Variants in ABCA12 observed in about 807,000 individuals in gnomAD.
ABCA12 encodes ATP binding cassette subfamily A member 12, also known as glucosylceramide transporter ABCA12.
A neutral mutation model predicts 293.5 loss-of-function variants in ABCA12; 156 were observed. The observed-to-expected ratio is 0.53, with a 90% CI of 0.47 to 0.61. The LOEUF is 0.61. Ranked by LOEUF, ABCA12 falls within the 20% of genes least tolerant of loss-of-function variation. ABCA12 has a pLI of 0.00. For synonymous variants in ABCA12, 1,063 were observed against 1,108.0 expected, an observed-to-expected ratio of 0.96 and a Z score of 0.81; for missense variants, 2,797 against 3,090.2, an observed-to-expected ratio of 0.91 and a Z score of 2.25.
chr2:215,023,342 C>T (rs1038410502), intron 11 of ABCA12: 4 of 152,060 alleles, frequency 2.6e-5, no homozygotes, highest in Non-Finnish European at 5.9e-5. Context: ...GAATGGGTCC[C>T]GTCAATTTCA....
At chr2:215,042,964 G>C (rs1701129762) in intron 7 of ABCA12, among the ~76,000 whole-genome samples, 1 of 152,094 alleles carries the variant, frequency 6.6e-6, no homozygotes, top group African/African-American at 2.4e-5. Flanking sequence ...GTGCATGGCT[G>C]TTTTAATTTG....
intron 40 of ABCA12, 136 bp downstream of exon 40, chr2:214,958,888 C>T: frequency 2.0e-6 from 2 of 992,570 alleles, no homozygotes; most frequent in Non-Finnish European, 3.2e-6. Context: ...TTCCTTTGAT[C>T]CCAGTCAGTG....
intron 2 of ABCA12, among the ~76,000 whole-genome samples, chr2:215,094,380 G>A (rs557950156): frequency 2.6e-5 from 4 of 152,050 alleles, no homozygotes; most frequent in African/African-American, 9.7e-5. Context: ...TCCAACTTCT[G>A]TCCCTCATGG....
chr2:214,984,271 A>G (rs1010140586), intron 28 of ABCA12, among the ~76,000 whole-genome samples: 5 of 151,772 alleles, frequency 3.3e-5, no homozygotes, highest in African/African-American at 9.7e-5. Context: ...TAATTTTTGT[A>G]TTTTTAGTAG....
At chr2:215,077,691 G>A (rs1398262418) in intron 2 of ABCA12, among the ~76,000 whole-genome samples, 1 of 152,136 alleles carries the variant, frequency 6.6e-6, no homozygotes, top group Non-Finnish European at 1.5e-5. Context: ...TGGCAAACAT[G>A]TGCCATTTAT....
intron 2 of ABCA12, among the ~76,000 whole-genome samples, chr2:215,066,651 GGT>G (rs1701644967): frequency 6.6e-6 from 1 of 152,010 alleles, no homozygotes. Context: ...AAACTCCCAT[GGT>G]GTTGAAAGTA....
At chr2:214,975,586 C>A (rs72948388) in intron 34 of ABCA12, among the ~76,000 whole-genome samples, 199 bp downstream of exon 34, 1,731 of 152,176 alleles carry the variant, frequency 0.011, 26 homozygotes, top group Middle Eastern at 0.024. Flanking sequence ...TAGATGAATG[C>A]AAAAACTCTG....
At chr2:215,089,367 A>C (rs1202089702) in intron 2 of ABCA12, among the ~76,000 whole-genome samples, 1 of 152,176 alleles carries the variant, frequency 6.6e-6, no homozygotes, top group Non-Finnish European at 1.5e-5. Flanking sequence ...CTACATTCAC[A>C]AAAATCTAGA....
At chr2:215,112,324 T>C (rs1297339617) in intron 1 of ABCA12, among the ~76,000 whole-genome samples, 1 of 148,634 alleles carries the variant, frequency 6.7e-6, no homozygotes, top group Non-Finnish European at 1.5e-5. Context: ...TACACCGTTA[T>C]AGTCAATGAT....
intron 7 of ABCA12, among the ~76,000 whole-genome samples, chr2:215,041,551 C>CA (rs74770979): frequency 0.059 from 5,055 of 86,202 alleles, 275 homozygotes; most frequent in African/African-American, 0.14. Flanking sequence ...GACTCCATCT[C>CA]AAAAAAAAAA....
intron 3 of ABCA12, among the ~76,000 whole-genome samples, chr2:215,054,865 A>C (rs1165638918): frequency 1.3e-5 from 2 of 152,106 alleles, no homozygotes; most frequent in African/African-American, 2.4e-5. Flanking sequence ...TATTCAGAGA[A>C]AATGGCCTAG....
In ABCA12 at chr2:215,027,917, T is replaced by TGTTAGGAA. The variant is rs533736446; in HGVS notation, c.1062-980_1062-979insTTCCTAAC. Among the ~76,000 whole-genome samples the TGTTAGGAA allele has an allele frequency of 5.7e-3, 862 of 152,336 alleles. 10 individuals are homozygous for TGTTAGGAA. Among genetic ancestry groups the TGTTAGGAA allele is most frequent in the African/African-American group, 0.02 (829 of 41,582 alleles). On this transcript the variant is annotated intron_variant, in intron 9 of 52. Coordinates refer to ENST00000272895, the MANE Select transcript of ABCA12 (RefSeq NM_173076.3). ...TGGTTTCCTTTCAAAGTGATTGGCA[T>TGTTAGGAA]GTAAGGAAAGGGCCTAAGATTTTTC...
intron 2 of ABCA12, among the ~76,000 whole-genome samples, chr2:215,108,744 T>C (rs1042573488): frequency 6.6e-6 from 1 of 152,146 alleles, no homozygotes; most frequent in Admixed American, 6.6e-5. Context: ...AAATCCAAAC[T>C]GTCATCTCAA....
At chr2:215,087,872 T>C (rs1224662454) in intron 2 of ABCA12, among the ~76,000 whole-genome samples, 1 of 152,234 alleles carries the variant, frequency 6.6e-6, no homozygotes, top group African/African-American at 2.4e-5. Context: ...TGAATTCAGA[T>C]ATAAAGCAAT....
chr2:215,124,558 T>A (rs1702881870), intron 1 of ABCA12, among the ~76,000 whole-genome samples: 1 of 152,232 alleles, frequency 6.6e-6, no homozygotes, highest in South Asian at 2.1e-4. Context: ...TCATTAGTAA[T>A]GCTGAGCATT....
chr2:215,045,743 A>T (rs1299465295), intron 7 of ABCA12, 94 bp downstream of exon 7: 2 of 1,161,766 alleles, frequency 1.7e-6, no homozygotes, highest in East Asian at 5.0e-5. Flanking sequence ...TCTGTGTTTA[A>T]ATAACCCAGA....
At position 214,949,042 on chromosome 2, in the gene ABCA12, G is replaced by A. The variant is rs1021345094; in HGVS notation, c.6960C>T (p.Thr2320=). The A allele has an allele frequency of 5.6e-6, 9 of 1,609,834 alleles. No homozygotes were observed. The highest frequency in any genetic ancestry group is 1.6e-4 in the Middle Eastern group (1 of 6,076). The change falls in exon 46 of 53, where the codon ACC becomes ACT. Residue 2320 remains threonine (T), a splice_region_variant and synonymous_variant. Coordinates refer to ENST00000272895, the MANE Select transcript of ABCA12 (RefSeq NM_173076.3). ...ATTGAAGCATTAGTTTTTCATACCCGGTCTTATTTCTGATCAGAATGTTTC... is the reference window on the plus strand; with the variant it reads ...ATTGAAGCATTAGTTTTTCATACCCAGTCTTATTTCTGATCAGAATGTTTC... ...SSGNILIRNK[T]GSLGHVDSHS...
At chr2:215,002,262 T>G (rs1700162120) in intron 20 of ABCA12, among the ~76,000 whole-genome samples, 1 of 152,190 alleles carries the variant, frequency 6.6e-6, no homozygotes, top group African/African-American at 2.4e-5. Flanking sequence ...AGTTGTGAGT[T>G]TCTAATACTG....
intron 2 of ABCA12, among the ~76,000 whole-genome samples, chr2:215,066,925 G>A (rs1701650770): frequency 6.6e-6 from 1 of 152,038 alleles, no homozygotes; most frequent in Admixed American, 6.6e-5. Context: ...ACTGTGCTAG[G>A]CATGTAACAT....
Sources: gnomAD v4.1 joint callset for allele counts (sites outside exome capture counted in the v4.1 genomes callset) on GRCh38, gnomAD v4.1.1 for gene constraint, MANE v1.5 for transcripts, NCBI Gene and HGNC (gene_info 2026-07-23, HGNC 2026-07-21) for gene names.